Variants in MYO1D observed in about 807,000 individuals in gnomAD.
MYO1D encodes the protein myosin ID.
Under a neutral mutation model 122.0 loss-of-function variants are expected in MYO1D, and 83 were observed. The observed-to-expected ratio is 0.68, with a 90% confidence interval of 0.57 to 0.82. The LOEUF (loss-of-function observed/expected upper bound fraction) is 0.82. Among genes scored for constraint, MYO1D ranks in the 40% least tolerant of loss-of-function variants. The pLI, the probability that MYO1D is intolerant of heterozygous loss-of-function variation, is 0.00. For synonymous variants in MYO1D, 464 were observed against 446.9 expected (o/e 1.04, Z -0.48); for missense variants, 1,157 against 1,269.5 (o/e 0.91, Z 1.35).
intron 21 of MYO1D, among the ~76,000 whole-genome samples, chr17:32,542,102 A>C (rs1910853471): frequency 6.6e-6 from 1 of 152,154 alleles, no homozygotes; most frequent in Non-Finnish European, 1.5e-5. Flanking sequence ...CATCTATGAC[A>C]GCACTTACCC....
intron 11 of MYO1D, among the ~76,000 whole-genome samples, chr17:32,754,301 A>G (rs2151012436): frequency 1.3e-5 from 2 of 152,296 alleles, no homozygotes; most frequent in South Asian, 4.1e-4. Context: ...AGCACCTAGG[A>G]TTGCACCTGG....
chr17:32,554,474 T>C (rs953374732), intron 21 of MYO1D, among the ~76,000 whole-genome samples: 2 of 152,180 alleles, frequency 1.3e-5, no homozygotes, highest in Non-Finnish European at 2.9e-5. Context: ...AAATTTATAA[T>C]ATAAAAATTA....
At chr17:32,756,474 ATGTG>A (rs2089948418) in intron 10 of MYO1D, among the ~76,000 whole-genome samples, 2 of 151,944 alleles carry the variant, frequency 1.3e-5, no homozygotes, top group Admixed American at 1.3e-4. Context: ...TATCAACATT[ATGTG>A]TACAGGATAA....
chr17:32,823,569 C>A (rs1256585046), intron 1 of MYO1D, among the ~76,000 whole-genome samples: 2 of 151,962 alleles, frequency 1.3e-5, no homozygotes, highest in African/African-American at 2.4e-5. Context: ...TCATATATAT[C>A]CCCAATTTGG....
chr17:32,535,086 A>C (rs1182242552), intron 21 of MYO1D, among the ~76,000 whole-genome samples: 5 of 152,190 alleles, frequency 3.3e-5, no homozygotes, highest in African/African-American at 1.2e-4. Context: ...TTTGGTGTGG[A>C]CCTGAGAATA....
intron 21 of MYO1D, among the ~76,000 whole-genome samples, chr17:32,560,058 C>T (rs1244534277): frequency 1.3e-5 from 2 of 152,104 alleles, no homozygotes; most frequent in Non-Finnish European, 2.9e-5. Context: ...AGTTCAAGAC[C>T]AGCCTGACCA....
chr17:32,837,254 C>CTT (rs35170619), intron 1 of MYO1D, among the ~76,000 whole-genome samples: 19 of 122,214 alleles, frequency 1.6e-4, no homozygotes, highest in East Asian at 6.8e-4. Flanking sequence ...CCTGCCTTTT[C>CTT]TTTTTTTTTT....
intron 21 of MYO1D, among the ~76,000 whole-genome samples, chr17:32,565,963 G>A (rs761024844): frequency 1.4e-4 from 21 of 152,202 alleles, no homozygotes; most frequent in Non-Finnish European, 2.6e-4. Flanking sequence ...GACCTCAGGC[G>A]ATCCACCCAC....
intron 21 of MYO1D, among the ~76,000 whole-genome samples, chr17:32,532,675 G>A (rs1422406675): frequency 2.1e-5 from 3 of 144,638 alleles, no homozygotes; most frequent in Non-Finnish European, 3.0e-5. Context: ...GGAGTAAGCC[G>A]AGATTGCCAC....
At chr17:32,602,131 C>T (rs550026469) in intron 21 of MYO1D, among the ~76,000 whole-genome samples, 123 of 152,234 alleles carry the variant, frequency 8.1e-4, no homozygotes, top group Non-Finnish European at 1.5e-3. Context: ...TCTAGAAGTT[C>T]GATTTGGGTC....
intron 12 of MYO1D, among the ~76,000 whole-genome samples, chr17:32,748,125 T>A (rs2089857356): frequency 6.6e-6 from 1 of 152,242 alleles, no homozygotes; most frequent in South Asian, 2.1e-4. Context: ...TGGAACCTAA[T>A]GTACTAAGGT....
At chr17:32,819,926 T>C (rs2090645925) in intron 1 of MYO1D, among the ~76,000 whole-genome samples, 1 of 152,226 alleles carries the variant, frequency 6.6e-6, no homozygotes, top group African/African-American at 2.4e-5. Flanking sequence ...ACAACATGCA[T>C]AGTACTTAAA....
At chr17:32,699,263 C>A (rs2089215776) in intron 16 of MYO1D, among the ~76,000 whole-genome samples, 1 of 152,142 alleles carries the variant, frequency 6.6e-6, no homozygotes, top group Non-Finnish European at 1.5e-5. Flanking sequence ...CCGTGCCCAG[C>A]CCATAAGCCA....
In MYO1D at chr17:32,630,424, C is replaced by A. The variant is rs574097676; in HGVS notation, c.2709+8298G>T. ...AATTACTAAAAATAACTATAACTTA[C>A]AATGGGCAAATTTTATGGTATGTAA... On this transcript the variant is annotated intron_variant, in intron 20 of 21. Coordinates refer to ENST00000318217, the MANE Select transcript of MYO1D (RefSeq NM_015194.3). Among the ~76,000 whole-genome samples, 10 of 152,248 alleles carry A rather than the reference C, an allele frequency of 6.6e-5. No homozygotes were observed. The East Asian group carries it at 1.5e-3, about 24-fold the overall frequency.
At chr17:32,727,337 T>G (rs2089589091) in intron 14 of MYO1D, among the ~76,000 whole-genome samples, 1 of 152,176 alleles carries the variant, frequency 6.6e-6, no homozygotes, top group Non-Finnish European at 1.5e-5. Flanking sequence ...AAATATCTCT[T>G]AGAACAGCTC....
chr17:32,859,610 T>C (rs1232170658), intron 1 of MYO1D, among the ~76,000 whole-genome samples: 5 of 152,248 alleles, frequency 3.3e-5, no homozygotes, highest in African/African-American at 1.2e-4. Context: ...CCCACTGGCA[T>C]GAATTCTGTC....
chr17:32,653,095 T>C (rs1437357599), intron 19 of MYO1D, among the ~76,000 whole-genome samples: 2 of 151,658 alleles, frequency 1.3e-5, no homozygotes, highest in Non-Finnish European at 2.9e-5. Flanking sequence ...TGAGCCGAGA[T>C]TGCACCACTG....
At chr17:32,546,947 C>T (rs1233420788) in intron 21 of MYO1D, among the ~76,000 whole-genome samples, 6 of 147,174 alleles carry the variant, frequency 4.1e-5, no homozygotes, top group Non-Finnish European at 6.0e-5. Flanking sequence ...CTTGCTTTGT[C>T]ACCAGGCTGG....
At chr17:32,503,345 G>A (rs1208511542) in intron 21 of MYO1D, among the ~76,000 whole-genome samples, 2 of 152,336 alleles carry the variant, frequency 1.3e-5, no homozygotes, top group East Asian at 1.9e-4. Flanking sequence ...CTGGGATTAG[G>A]AGACTGTCAT....
Sources: gnomAD v4.1 joint callset for allele counts (sites outside exome capture counted in the v4.1 genomes callset) on GRCh38, gnomAD v4.1.1 for gene constraint, MANE v1.5 for transcripts, NCBI Gene and HGNC (gene_info 2026-07-23, HGNC 2026-07-21) for gene names.